The following PLEKHA5 variants were observed in gnomAD, a reference collection of about 807,000 sequenced individuals.
PLEKHA5 encodes the protein pleckstrin homology domain containing A5, also known as pleckstrin homology domain-containing family A member 5.
PLEKHA5 carries 55 observed loss-of-function variants against 181.9 expected under a neutral mutation model. The ratio of observed to expected loss-of-function variants is 0.30; its 90% CI spans 0.24 to 0.38. The LOEUF (loss-of-function observed/expected upper bound fraction) is 0.38, where lower values mean the gene tolerates loss of function less well. Among genes scored for constraint, PLEKHA5 ranks in the 10% least tolerant of loss-of-function variants. The pLI, the probability that PLEKHA5 is intolerant of heterozygous loss-of-function variation, is 1.00. For missense variants in PLEKHA5, 1,432 were observed against 1,549.5 expected (o/e 0.92, Z 1.27); for synonymous variants, 535 against 529.4 (o/e 1.01, Z -0.15).
In PLEKHA5 at chr12:19,191,032, AT is replaced by A. The variant is rs1014433014; in HGVS notation, c.227+58590del. Among the ~76,000 whole-genome samples the A allele has an allele frequency of 7.0e-4, 107 of 152,016 alleles. No individual in the cohort carries two copies. The Middle Eastern group carries it at 0.01, about 14-fold the overall frequency. On this transcript the variant is annotated intron_variant, in intron 3 of 31. Coordinates refer to ENST00000429027, the MANE Select transcript of PLEKHA5 (RefSeq NM_001256470.2). The stretch of plus-strand genomic sequence containing the variant: ...TTGGTATTTTATGTCATTTATTTTA[AT>A]TTTTTTTGACCATGACTCGCAATAA...
At chr12:19,210,099 CA>C (rs2056608622) in intron 3 of PLEKHA5, among the ~76,000 whole-genome samples, 1 of 152,180 alleles carries the variant, frequency 6.6e-6, no homozygotes, top group South Asian at 2.1e-4. Context: ...ACTACATTGA[CA>C]TGGTTAAATT....
intron 6 of PLEKHA5, among the ~76,000 whole-genome samples, chr12:19,257,870 A>G (rs963051443): frequency 6.6e-6 from 1 of 152,178 alleles, no homozygotes; most frequent in Non-Finnish European, 1.5e-5. Context: ...GAAATAAACA[A>G]CTAAATATTA....
rs573190075 is a variant in PLEKHA5, at chr12:19,208,899, T to C, written c.228-45041T>C. ...CATTAAGATTAGTGTAAAATTGATA[T>C]TTTGGTAGTTTAGTAGCCATATTTT... On this transcript the variant is annotated intron_variant, in intron 3 of 31. Transcript: ENST00000429027. 1.4e-4 allele frequency among the ~76,000 whole-genome samples: 21 copies of C among 152,290 alleles called. 1 individual carries two copies. Among genetic ancestry groups the C allele is most frequent in the Admixed American group, 7.9e-4 (12 of 15,286 alleles).
At chr12:19,307,760 CAAA>C (rs2084591038) in intron 15 of PLEKHA5, among the ~76,000 whole-genome samples, 1 of 151,778 alleles carries the variant, frequency 6.6e-6, no homozygotes, top group Non-Finnish European at 1.5e-5. Flanking sequence ...AGAAAGAAGA[CAAA>C]AGAAACATTC....
chr12:19,317,047 A>G (rs1453477420), intron 16 of PLEKHA5, among the ~76,000 whole-genome samples: 1 of 152,182 alleles, frequency 6.6e-6, no homozygotes, highest in African/African-American at 2.4e-5. Flanking sequence ...TAATTTTCTT[A>G]AAATTGGTCA....
intron 23 of PLEKHA5, among the ~76,000 whole-genome samples, chr12:19,346,596 A>C (rs539186488): frequency 3.1e-4 from 47 of 152,348 alleles, no homozygotes; most frequent in Middle Eastern, 3.4e-3. Flanking sequence ...TGTATGATCA[A>C]ATCACTGCAC....
intron 3 of PLEKHA5, among the ~76,000 whole-genome samples, chr12:19,205,011 C>T (rs2055085021): frequency 6.6e-6 from 1 of 152,062 alleles, no homozygotes; most frequent in Non-Finnish European, 1.5e-5. Flanking sequence ...CTTATGTTGA[C>T]ATAGTTAATT....
rs771971991 is a variant in PLEKHA5 at position 19,231,576 on chromosome 12, GTATATATATTTATATATGTACACATATA to G, written c.228-22355_228-22328del. On this transcript the variant is annotated intron_variant, in intron 3 of 31. Transcript: ENST00000429027. ...TATTTATATATGTACACATATATAT[GTATATATATTTATATATGTACACATATA>G]TATATATAAATACTCATAAAGCTTG... Among the ~76,000 whole-genome samples, 457 of 139,836 alleles carry G rather than the reference GTATATATATTTATATATGTACACATATA, an allele frequency of 3.3e-3. 9 individuals carry two copies. The highest frequency in any genetic ancestry group is 9.4e-3 in the Middle Eastern group (2 of 212). The allele number at this position is 139,836 out of a possible 152,430, so 91.7% of individuals were successfully genotyped here. A position where few individuals can be genotyped will look rare whatever the true frequency, so the allele number is the denominator to read the frequency against.
At chr12:19,240,329 T>G (rs1324772013) in intron 3 of PLEKHA5, among the ~76,000 whole-genome samples, 1 of 151,944 alleles carries the variant, frequency 6.6e-6, no homozygotes, top group Non-Finnish European at 1.5e-5. Flanking sequence ...CGCAAAAGAG[T>G]GGATACTTAA....
chr12:19,323,826 A>T (rs1428310165), intron 20 of PLEKHA5, among the ~76,000 whole-genome samples: 1 of 151,914 alleles, frequency 6.6e-6, no homozygotes, highest in Admixed American at 6.6e-5. Context: ...AAAAAAAAAA[A>T]AAAAAAGAAA....
At chr12:19,295,125 A>G (rs1010736174) in intron 15 of PLEKHA5, among the ~76,000 whole-genome samples, 5 of 152,196 alleles carry the variant, frequency 3.3e-5, no homozygotes, top group Non-Finnish European at 5.9e-5. Context: ...ACCTGTATAC[A>G]TACAGTAATC....
rs148932553 is a variant in PLEKHA5, at chr12:19,338,937, G to C, written c.2550+2321G>C. On this transcript the variant is annotated intron_variant, in intron 21 of 31. Coordinates refer to ENST00000429027, the MANE Select transcript of PLEKHA5 (RefSeq NM_001256470.2). ...CAAAAATGAGATGCTAAATACACTA[G>C]AAAAATAGCTATAAATACCTAAGAT... is the stretch of plus-strand genomic sequence containing the variant. Among the ~76,000 whole-genome samples, 128 of 151,326 alleles carry C rather than the reference G, an allele frequency of 8.5e-4. No individual in the cohort carries two copies. In the Middle Eastern group the frequency reaches 0.021, roughly 24 times the overall value.
At chr12:19,281,899 AG>A (rs2076259349) in intron 11 of PLEKHA5, among the ~76,000 whole-genome samples, 1 of 151,726 alleles carries the variant, frequency 6.6e-6, no homozygotes, top group South Asian at 2.1e-4. Flanking sequence ...CTCCTGCCTC[AG>A]CCTCCCAAGT....
intron 3 of PLEKHA5, among the ~76,000 whole-genome samples, chr12:19,173,191 T>G (rs2046394926): frequency 6.7e-6 from 1 of 149,372 alleles, no homozygotes; most frequent in Non-Finnish European, 1.5e-5. Flanking sequence ...GCCCGGCTAA[T>G]TTTTTGTATT....
intron 3 of PLEKHA5, among the ~76,000 whole-genome samples, chr12:19,178,717 T>A (rs956148162): frequency 2.6e-5 from 4 of 152,214 alleles, no homozygotes; most frequent in Admixed American, 6.5e-5. Flanking sequence ...GCTTTTATTG[T>A]GTCCTTAGTC....
chr12:19,298,925 T>C (rs2080691912), intron 15 of PLEKHA5, among the ~76,000 whole-genome samples: 1 of 152,106 alleles, frequency 6.6e-6, no homozygotes, highest in African/African-American at 2.4e-5. Flanking sequence ...GGATAACACA[T>C]AGAGAAAGTG....
At chr12:19,173,178 C>T (rs1358173591) in intron 3 of PLEKHA5, among the ~76,000 whole-genome samples, 8 of 149,192 alleles carry the variant, frequency 5.4e-5, no homozygotes, top group African/African-American at 1.7e-4. Flanking sequence ...CGCCCGCCAC[C>T]GCGCCCGGCT....
intron 15 of PLEKHA5, among the ~76,000 whole-genome samples, chr12:19,294,257 T>G (rs1260238309): frequency 6.6e-6 from 1 of 152,160 alleles, no homozygotes. Context: ...AAATTTATGA[T>G]TTAGATAACT....
intron 29 of PLEKHA5, among the ~76,000 whole-genome samples, chr12:19,365,645 A>G (rs1035543123): frequency 5.9e-5 from 9 of 152,214 alleles, no homozygotes; most frequent in African/African-American, 1.4e-4. Flanking sequence ...ATTTGATGGC[A>G]TTAACATATT....
Sources: gnomAD v4.1 joint callset for allele counts (sites outside exome capture counted in the v4.1 genomes callset) on GRCh38, gnomAD v4.1.1 for gene constraint, MANE v1.5 for transcripts, NCBI Gene and HGNC (gene_info 2026-07-23, HGNC 2026-07-21) for gene names.